COLEC10: variants seen among roughly 807,000 people sequenced by gnomAD.
COLEC10 encodes the protein collectin subfamily member 10, also known as collectin-10.
In COLEC10, 22 loss-of-function variants were observed where a neutral mutation model predicts 28.4. That is an observed-to-expected ratio of 0.78 (90% CI 0.55 to 1.11). The LOEUF (loss-of-function observed/expected upper bound fraction) is 1.11, where lower values mean the gene tolerates loss of function less well. Ranked by LOEUF, COLEC10 falls within the 50% of genes least tolerant of loss-of-function variation. The probability of loss-of-function intolerance (pLI) is 0.00; values close to 1 mark genes in which losing one functional copy is unlikely to be tolerated. For synonymous variants in COLEC10, 125 were observed against 116.1 expected, an observed-to-expected ratio of 1.08 and a Z score of -0.49; for missense variants, 361 against 344.1, an observed-to-expected ratio of 1.05 and a Z score of -0.39.
At chr8:118,972,416 G>A in the COLEC10 span, among the ~76,000 whole-genome samples, 1 of 151,934 alleles carries the variant, frequency 6.6e-6, no homozygotes, top group Non-Finnish European at 1.5e-5. Flanking sequence ...GAATGTGAGA[G>A]TAAGTCATGT....
chr8:119,099,842 T>C (rs925471040), intron 3 of COLEC10, among the ~76,000 whole-genome samples: 3 of 152,162 alleles, frequency 2.0e-5, no homozygotes, highest in African/African-American at 7.2e-5. Context: ...TAGTACATGA[T>C]AGTATCTCAT....
chr8:119,055,501 T>G (rs559399108), intron 2 of COLEC10, among the ~76,000 whole-genome samples: 59 of 152,152 alleles, frequency 3.9e-4, no homozygotes, highest in African/African-American at 1.2e-3. Flanking sequence ...ACAGAATAAG[T>G]AAATACTCAT....
chr8:118,995,098 T>C (rs1009132578), upstream of COLEC10, among the ~76,000 whole-genome samples: 1 of 152,198 alleles, frequency 6.6e-6, no homozygotes, highest in East Asian at 1.9e-4. Context: ...TCAGCAAACT[T>C]AGAAGCCTAA....
the COLEC10 span, among the ~76,000 whole-genome samples, chr8:118,973,617 A>G: frequency 0.029 from 4,409 of 152,118 alleles, 129 homozygotes; most frequent in East Asian, 0.16. Flanking sequence ...CAGAAGCGAC[A>G]TCCCATTACA....
the COLEC10 span, among the ~76,000 whole-genome samples, chr8:118,987,409 C>T: frequency 6.6e-6 from 1 of 152,018 alleles, no homozygotes; most frequent in African/African-American, 2.4e-5. Flanking sequence ...ACTGAAAACA[C>T]AAACATTAGC....
upstream of COLEC10, among the ~76,000 whole-genome samples, chr8:119,062,321 A>G (rs1331590647): frequency 6.6e-6 from 1 of 152,154 alleles, no homozygotes; most frequent in East Asian, 1.9e-4. Flanking sequence ...CAAAGGAGAT[A>G]AATTAAGAAG....
chr8:119,007,481 T>G (rs1472443039), intron 1 of COLEC10, among the ~76,000 whole-genome samples: 1 of 151,248 alleles, frequency 6.6e-6, no homozygotes, highest in East Asian at 1.9e-4. Context: ...ATTTACCCAT[T>G]TTGGTTGACT....
chr8:119,009,839 TC>T (rs1813872857), intron 2 of COLEC10, among the ~76,000 whole-genome samples: 1 of 93,396 alleles, frequency 1.1e-5, no homozygotes, highest in South Asian at 3.9e-4. Context: ...AAAGCTCAGC[TC>T]TTTTTTTTAA....
intron 2 of COLEC10, among the ~76,000 whole-genome samples, chr8:119,022,778 G>T (rs546249662): frequency 1.3e-5 from 2 of 152,090 alleles, no homozygotes; most frequent in Non-Finnish European, 2.9e-5. Context: ...CTTTTAAAAT[G>T]TAAGCCAGAT....
At chr8:118,965,540 A>G in the COLEC10 span, among the ~76,000 whole-genome samples, 1 of 151,922 alleles carries the variant, frequency 6.6e-6, no homozygotes, top group East Asian at 1.9e-4. Context: ...GGGCTGAGCC[A>G]CACACCTATG....
At chr8:119,048,119 A>G (rs570523644) in intron 2 of COLEC10, among the ~76,000 whole-genome samples, 1 of 152,116 alleles carries the variant, frequency 6.6e-6, no homozygotes, top group East Asian at 1.9e-4. Context: ...CCAATAGGTA[A>G]TTTTTCAATC....
chr8:119,004,601 G>A (rs1399776773), intron 1 of COLEC10, among the ~76,000 whole-genome samples: 3 of 150,400 alleles, frequency 2.0e-5, no homozygotes, highest in African/African-American at 7.3e-5. Flanking sequence ...ATCAAGAATT[G>A]AGAATATCAA....
intron 1 of COLEC10, among the ~76,000 whole-genome samples, chr8:119,084,207 A>C (rs1238773574): frequency 1.3e-5 from 2 of 152,222 alleles, no homozygotes; most frequent in Non-Finnish European, 2.9e-5. Context: ...AGTTATTTCC[A>C]ATTATAGATA....
At chr8:119,050,923 G>A (rs1047084315) in intron 2 of COLEC10, among the ~76,000 whole-genome samples, 19 of 152,092 alleles carry the variant, frequency 1.2e-4, no homozygotes, top group East Asian at 3.9e-4. Context: ...AAAATTCTGC[G>A]AAGTCTTACC....
At chr8:119,086,717 GA>G (rs1815487966) in intron 1 of COLEC10, among the ~76,000 whole-genome samples, 1 of 152,220 alleles carries the variant, frequency 6.6e-6, no homozygotes, top group Admixed American at 6.5e-5. Context: ...GAAGGAAGGA[GA>G]AAGAATAATG....
At chr8:118,990,167 A>G in the COLEC10 span, among the ~76,000 whole-genome samples, 1 of 152,150 alleles carries the variant, frequency 6.6e-6, no homozygotes, top group Non-Finnish European at 1.5e-5. Context: ...ATCTGAGGTC[A>G]TTAAAAAGAA....
At chr8:119,048,292 C>T (rs774702399) in intron 2 of COLEC10, among the ~76,000 whole-genome samples, 1 of 152,224 alleles carries the variant, frequency 6.6e-6, no homozygotes, top group Non-Finnish European at 1.5e-5. Flanking sequence ...TAATCTACAG[C>T]TCCATCCATG....
chr8:118,985,569 A>G, the COLEC10 span, among the ~76,000 whole-genome samples: 1 of 152,156 alleles, frequency 6.6e-6, no homozygotes, highest in Non-Finnish European at 1.5e-5. Flanking sequence ...ATATGTTATA[A>G]GATATACATT....
chr8:119,098,734 T>G (rs930441009), intron 3 of COLEC10, among the ~76,000 whole-genome samples: 1 of 152,108 alleles, frequency 6.6e-6, no homozygotes, highest in African/African-American at 2.4e-5. Flanking sequence ...AAGTACCACT[T>G]TTCCTTAATA....
Sources: gnomAD v4.1 joint callset for allele counts (sites outside exome capture counted in the v4.1 genomes callset) on GRCh38, gnomAD v4.1.1 for gene constraint, MANE v1.5 for transcripts, NCBI Gene and HGNC (gene_info 2026-07-23, HGNC 2026-07-21) for gene names.